Variants in LRP2 observed in about 807,000 individuals in gnomAD.
LRP2 encodes LDL receptor related protein 2, also known as low-density lipoprotein receptor-related protein 2.
Under a neutral mutation model 531.0 loss-of-function variants are expected in LRP2, and 172 were observed. The ratio of observed to expected loss-of-function variants is 0.32; its 90% confidence interval spans 0.29 to 0.37. The LOEUF is 0.37. LRP2 is among the 10% of genes least tolerant of loss of function. The pLI, the probability that LRP2 is intolerant of heterozygous loss-of-function variation, is 1.00. For synonymous variants in LRP2, 1,992 were observed against 2,027.6 expected, an observed-to-expected ratio of 0.98 and a Z score of 0.47; for missense variants, 5,167 against 5,868.3, an observed-to-expected ratio of 0.88 and a Z score of 3.90.
At chr2:169,323,853 TAAA>T (rs11333901) in intron 1 of LRP2, among the ~76,000 whole-genome samples, 273 of 148,112 alleles carry the variant, frequency 1.8e-3, no homozygotes, top group African/African-American at 5.6e-3. Flanking sequence ...GCTGCCTGAT[TAAA>T]AAAAAAAAAA....
In LRP2 at chr2:169,195,909, C is replaced by G. The variant is rs949592847; in HGVS notation, c.8698+1002G>C. ...CAGCTATAAAACTATACTAATGATC[C>G]TAAGAAAATATCCTGAAAATAAAAT... On this transcript the variant is annotated intron_variant, in intron 46 of 78. Transcript: ENST00000649046. Among the ~76,000 whole-genome samples the G allele has an allele frequency of 2.0e-5, 3 of 152,048 alleles. No individual in the cohort carries two copies. In the South Asian group the frequency reaches 6.2e-4, roughly 32 times the overall value.
Position 169,270,966 on chromosome 2 carries a change from C to T in LRP2, c.2258G>A (p.Ser753Asn). ...FVGIDFDAQD[S>N]TIFFSDMSKH... ...TGACATATCTGAAAAAAAGATAGTGCTGTCCTGGGCGTCAAAATCAATCCC... is the reference window on the plus strand; with the variant it reads ...TGACATATCTGAAAAAAAGATAGTGTTGTCCTGGGCGTCAAAATCAATCCC... Residue 753 changes from serine (S) to asparagine (N), a missense_variant, in exon 16 of 79, where the codon AGC (serine) becomes AAC (asparagine). Ser to Asn is a conservative substitution (Grantham distance 46). Coordinates refer to ENST00000649046, the MANE Select transcript of LRP2 (RefSeq NM_004525.3). The T allele has an allele frequency of 1.2e-6, 2 of 1,613,226 alleles. No homozygotes were observed. Among genetic ancestry groups the T allele is most frequent in the Non-Finnish European group, 1.7e-6 (2 of 1,179,590 alleles).
At position 169,333,893 on chromosome 2, in the gene LRP2, C is replaced by T. The variant is rs374796508; in HGVS notation, c.80-13009G>A. Among the ~76,000 whole-genome samples, 25 of 152,302 alleles carry T rather than the reference C, an allele frequency of 1.6e-4. 1 individual carries two copies. The East Asian group carries it at 4.8e-3, about 29-fold the overall frequency. ...GAGGTCTCCAAACCACTTTCAGGCT[C>T]TGTCAATGTTATCACTTCACGTTAT... On this transcript the variant is annotated intron_variant, in intron 1 of 78. Transcript: ENST00000649046.
intron 49 of LRP2, among the ~76,000 whole-genome samples, chr2:169,186,904 T>G (rs1002649823): frequency 6.6e-6 from 1 of 152,220 alleles, no homozygotes; most frequent in South Asian, 2.1e-4. Context: ...TCTATATGAA[T>G]TAGGAGTAAA....
In LRP2 at chr2:169,247,474, G is replaced by A; in HGVS notation, c.2812C>T (p.Arg938Ter). The stretch of plus-strand genomic sequence containing the variant: ...TCTCCACCATCTGCTTTCCTGACTC[G>A]AATAATGGCACCCAGTCTCCAGTCA... ...FTDWRLGAII[R>*]VRKADGGEMT... The change falls in exon 20 of 79, where the codon CGA becomes TGA. Residue 938 changes from arginine to a stop codon, truncating the protein, a stop_gained. Coordinates refer to ENST00000649046, the MANE Select transcript of LRP2 (RefSeq NM_004525.3). LOFTEE classifies it high-confidence loss of function. The A allele has an allele frequency of 1.2e-6, 2 of 1,614,070 alleles. No homozygotes were observed. Among genetic ancestry groups the A allele is most frequent in the Non-Finnish European group, 1.7e-6 (2 of 1,180,008 alleles).
At chr2:169,262,847 C>A (rs13387618) in intron 16 of LRP2, among the ~76,000 whole-genome samples, 8,796 of 152,080 alleles carry the variant, frequency 0.058, 378 homozygotes, top group Non-Finnish European at 0.081. Context: ...TTCAAACTAT[C>A]CTACAAGGCT....
At chr2:169,312,956 T>C (rs1162002514) in intron 3 of LRP2, among the ~76,000 whole-genome samples, 2 of 152,252 alleles carry the variant, frequency 1.3e-5, no homozygotes, top group East Asian at 1.9e-4. Context: ...ATTCATTTGA[T>C]CTTCAATCAC....
chr2:169,200,304 A>G (rs1688161344), intron 44 of LRP2, among the ~76,000 whole-genome samples: 1 of 152,204 alleles, frequency 6.6e-6, no homozygotes, highest in Non-Finnish European at 1.5e-5. Context: ...AGCTCTGACC[A>G]TTGAAAAGGA....
At position 169,181,978 on chromosome 2, in the gene LRP2, G is replaced by A. The variant is rs569798218; in HGVS notation, c.9998+189C>T. Among the ~76,000 whole-genome samples, 16 of 152,306 alleles carry A rather than the reference G, an allele frequency of 1.1e-4. No homozygotes were observed. In the South Asian group the frequency reaches 1.9e-3, roughly 18 times the overall value. ...GTGTGTCAGGGAAAAGAAAACAGAA[G>A]AGCTGATGATGATGATTTGAAGAAG... is the stretch of plus-strand genomic sequence containing the variant. On this transcript the variant is annotated intron_variant, in intron 51 of 78. Coordinates refer to ENST00000649046, the MANE Select transcript of LRP2 (RefSeq NM_004525.3).
chr2:169,343,421 T>C (rs1685617247), intron 1 of LRP2, among the ~76,000 whole-genome samples: 1 of 152,206 alleles, frequency 6.6e-6, no homozygotes, highest in Admixed American at 6.5e-5. Flanking sequence ...AATCACAGCA[T>C]GGTGGCTGCT....
At chr2:169,355,874 A>G (rs112150396) in intron 1 of LRP2, among the ~76,000 whole-genome samples, 12 of 152,306 alleles carry the variant, frequency 7.9e-5, no homozygotes, top group African/African-American at 2.6e-4. Context: ...CAACCTAATT[A>G]TCTGTATCTT....
intron 42 of LRP2, 21 bp downstream of exon 42, chr2:169,203,961 T>C: frequency 6.2e-7 from 1 of 1,613,376 alleles, no homozygotes. Flanking sequence ...CATGTTCTAA[T>C]TTTCATGGTC....
At chr2:169,338,469 G>A (rs1015945009) in intron 1 of LRP2, among the ~76,000 whole-genome samples, 1 of 150,402 alleles carries the variant, frequency 6.6e-6, no homozygotes, top group Non-Finnish European at 1.5e-5. Context: ...AGGAAGGAAG[G>A]AAAAAGACAA....
intron 49 of LRP2, among the ~76,000 whole-genome samples, chr2:169,187,377 G>C (rs1327962695): frequency 6.6e-6 from 1 of 152,134 alleles, no homozygotes; most frequent in Non-Finnish European, 1.5e-5. Flanking sequence ...TAAATGAAAG[G>C]ATATGGTCTC....
intron 3 of LRP2, among the ~76,000 whole-genome samples, chr2:169,309,441 T>C (rs888209827): frequency 2.0e-5 from 3 of 152,246 alleles, no homozygotes; most frequent in African/African-American, 7.2e-5. Context: ...TTTCTACATA[T>C]GGCTAGCCAG....
At chr2:169,262,200 T>G (rs1574193570) in intron 16 of LRP2, among the ~76,000 whole-genome samples, 1 of 147,516 alleles carries the variant, frequency 6.8e-6, no homozygotes, top group South Asian at 2.2e-4. Flanking sequence ...AGGGATGCCC[T>G]CTCTCACCAC....
rs748821846 is a variant in LRP2, at chr2:169,174,144, T to C, written c.10789A>G (p.Asn3597Asp). 1.9e-6 allele frequency: 3 copies of C among 1,614,256 alleles called. No homozygotes were observed. Among genetic ancestry groups the C allele is most frequent in the Non-Finnish European group, 2.5e-6 (3 of 1,180,040 alleles). Residue 3597 changes from asparagine (N) to aspartate (D), a missense_variant, in exon 56 of 79, where the codon AAT becomes GAT. Asn to Asp is a conservative substitution (Grantham distance 23). Around this residue, in one of 6 missense-constraint regions of LRP2, gnomAD observed 311 missense variants for 309.4 expected, o/e 1.01. Transcript: ENST00000649046. ...LLCENHHCDS[N>D]EWQCANKRCI... ...CGTTTGTTGGCGCACTGCCATTCAT[T>C]GGAGTCACAGTGGTGATTCTCTGAG...
chr2:169,322,865 GTATT>G (rs1353896338), intron 1 of LRP2, among the ~76,000 whole-genome samples: 1 of 152,078 alleles, frequency 6.6e-6, no homozygotes, highest in Non-Finnish European at 1.5e-5. Flanking sequence ...TAGAGACTGA[GTATT>G]TAGGAGGAAA....
chr2:169,346,296 G>GTTCA (rs1423272059), intron 1 of LRP2, among the ~76,000 whole-genome samples: 2 of 151,990 alleles, frequency 1.3e-5, no homozygotes, highest in African/African-American at 4.8e-5. Flanking sequence ...CAGTTAGTAT[G>GTTCA]TTCAATTTTT....
Sources: allele counts gnomAD v4.1 joint callset (sites outside exome capture counted in the v4.1 genomes callset), GRCh38; gene constraint gnomAD v4.1.1; regional missense constraint gnomAD v4.1.1; transcripts MANE v1.5; gene names NCBI Gene and HGNC (gene_info 2026-07-23, HGNC 2026-07-21).